The following OSBPL10 variants were observed in gnomAD, a reference collection of about 807,000 sequenced individuals.
OSBPL10 encodes the protein oxysterol-binding protein-related protein 10.
OSBPL10 carries 49 observed loss-of-function variants against 81.7 expected under a neutral mutation model. That is an observed-to-expected ratio of 0.60 (90% CI 0.48 to 0.76). The LOEUF (loss-of-function observed/expected upper bound fraction) is 0.76, where lower values mean the gene tolerates loss of function less well. OSBPL10 is among the 30% of genes least tolerant of loss of function. The pLI, the probability that OSBPL10 is intolerant of heterozygous loss-of-function variation, is 0.00. For missense variants in OSBPL10, 923 were observed against 987.8 expected (o/e 0.93, Z 0.88); for synonymous variants, 419 against 383.6 (o/e 1.09, Z -1.08).
chr3:31,843,933 T>A (rs1250863444), intron 3 of OSBPL10, among the ~76,000 whole-genome samples: 3 of 152,200 alleles, frequency 2.0e-5, no homozygotes, highest in Non-Finnish European at 2.9e-5. Context: ...TGAGTCCAGA[T>A]GCTCTGAGCA....
At chr3:31,882,777 C>G (rs1695621377) in intron 1 of OSBPL10, among the ~76,000 whole-genome samples, 1 of 152,174 alleles carries the variant, frequency 6.6e-6, no homozygotes, top group Admixed American at 6.5e-5. Flanking sequence ...TGAGCAACAC[C>G]CACATCAGAC....
chr3:32,038,645 C>T (rs748584867), intron 2 of OSBPL10, among the ~76,000 whole-genome samples: 3 of 152,074 alleles, frequency 2.0e-5, no homozygotes, highest in Admixed American at 1.3e-4. Flanking sequence ...TTATAGATAC[C>T]GAAATCAAAC....
At chr3:31,794,934 G>T in intron 4 of OSBPL10, 1 of 357,182 alleles carries the variant, frequency 2.8e-6, no homozygotes, top group Non-Finnish European at 5.5e-6. Context: ...CCAGAGAAGT[G>T]TCATTTGTAA....
intron 3 of OSBPL10, among the ~76,000 whole-genome samples, chr3:31,850,902 A>C (rs925321364): frequency 4.6e-5 from 7 of 152,224 alleles, no homozygotes; most frequent in Admixed American, 3.3e-4. Flanking sequence ...ACTATTGAGA[A>C]GAATACTCGA....
chr3:31,694,829 A>C (rs1405597522), intron 7 of OSBPL10, among the ~76,000 whole-genome samples: 1 of 152,212 alleles, frequency 6.6e-6, no homozygotes, highest in African/African-American at 2.4e-5. Flanking sequence ...ATCTCGGCTC[A>C]CTGCAACCTC....
At chr3:31,965,828 A>AATATATAATATATATTATCTATT (rs1559535383) in intron 1 of OSBPL10, among the ~76,000 whole-genome samples, 4,990 of 82,254 alleles carry the variant, frequency 0.061, 747 homozygotes, top group South Asian at 0.1. Context: ...TATTATATAA[A>AATATATAATATATATTATCTATT]TATATAATAT....
In OSBPL10 at chr3:31,981,212, C is replaced by T; in HGVS notation, c.-33G>A. The T allele has an allele frequency of 7.3e-7, 1 of 1,365,656 alleles. No homozygotes were observed. The highest frequency in any genetic ancestry group is 9.4e-7 in the Non-Finnish European group (1 of 1,067,020). The allele number at this position is 1,365,656 out of a possible 1,614,324, so 84.6% of individuals were successfully genotyped here. ...GGGCGCCCGGGACGCGGGTGCCCGC[C>T]GCGGTGGCGGCCCCGGCACGGCGGC... On this transcript the variant is annotated 5_prime_UTR_variant, in exon 1 of 12. Coordinates refer to ENST00000396556, the MANE Select transcript of OSBPL10 (RefSeq NM_017784.5). This position sits in a 1 kb window ranked among gnomAD's most constrained non-coding sequence, Gnocchi z 4.5.
At chr3:31,765,210 T>A (rs1698158973) in intron 4 of OSBPL10, among the ~76,000 whole-genome samples, 1 of 150,728 alleles carries the variant, frequency 6.6e-6, no homozygotes, top group Non-Finnish European at 1.5e-5. Flanking sequence ...TTGTTTTTGT[T>A]TTTTTTTTGT....
chr3:31,967,489 A>G (rs1381111011), intron 1 of OSBPL10, among the ~76,000 whole-genome samples: 2 of 85,742 alleles, frequency 2.3e-5, no homozygotes. Context: ...CAAAAAAATG[A>G]AAAAAAAAAG....
intron 6 of OSBPL10, chr3:31,709,144 T>C (rs971917701): frequency 6.8e-6 from 4 of 586,232 alleles, no homozygotes; most frequent in African/African-American, 6.0e-5. Context: ...AGTACACGCA[T>C]GTCCACACAG....
chr3:31,923,690 G>C (rs1696985234), intron 1 of OSBPL10, among the ~76,000 whole-genome samples: 1 of 152,182 alleles, frequency 6.6e-6, no homozygotes, highest in African/African-American at 2.4e-5. Flanking sequence ...AGGAGGCTGA[G>C]GCAGAAGGAT....
intron 4 of OSBPL10, among the ~76,000 whole-genome samples, chr3:31,792,165 G>C (rs944009623): frequency 6.6e-6 from 1 of 151,690 alleles, no homozygotes; most frequent in African/African-American, 2.4e-5. Context: ...CGCAATTGAG[G>C]CTGCGGTGAG....
At chr3:31,910,183 G>T (rs1477177692) in intron 1 of OSBPL10, among the ~76,000 whole-genome samples, 1 of 151,650 alleles carries the variant, frequency 6.6e-6, no homozygotes, top group African/African-American at 2.4e-5. Flanking sequence ...GTTTCACCAT[G>T]TTGGCCAGGA....
In OSBPL10 at chr3:31,980,948, C is replaced by A. The variant is rs774412848; in HGVS notation, c.232G>T (p.Glu78Ter). Residue 78 changes from glutamate (E) to a stop codon, truncating the protein, a stop_gained, in exon 1 of 12, where the codon GAG (glutamate) becomes TAG (stop). Coordinates refer to ENST00000396556, the MANE Select transcript of OSBPL10 (RefSeq NM_017784.5). LOFTEE classifies it high-confidence loss of function. The part of the protein sequence containing the change: ...GGGRRREPAL[E>*]GVLSKYTNLL... ...TTGGTGTATTTGCTGAGCACGCCCT[C>A]GAGCGCCGGCTCCCTCCTGCGGCCG... The A allele has an allele frequency of 1.3e-6, 2 of 1,577,970 alleles. No homozygotes were observed. The highest frequency in any genetic ancestry group is 1.7e-6 in the Non-Finnish European group (2 of 1,165,910).
chr3:31,730,430 A>C (rs1268587728), intron 6 of OSBPL10, among the ~76,000 whole-genome samples: 11 of 152,150 alleles, frequency 7.2e-5, no homozygotes, highest in Non-Finnish European at 2.9e-5. Context: ...CTTGTCCTAA[A>C]GTAAGGCATA....
At position 31,661,908 on chromosome 3, in the gene OSBPL10, A is replaced by T; in HGVS notation, c.*164T>A. ...TTGAATAAATTCATTCCTCTAGCAG[A>T]GTGTGGGGGTGCACTTTTCATAGTA... is the stretch of plus-strand genomic sequence containing the variant. On this transcript the variant is annotated 3_prime_UTR_variant, in exon 12 of 12. Transcript: ENST00000396556. 1.0e-6 allele frequency: 1 copy of T among 999,190 alleles called. No individual in the cohort carries two copies. Among genetic ancestry groups the T allele is most frequent in the Non-Finnish European group, 1.4e-6 (1 of 691,274 alleles). 61.9% of individuals were successfully genotyped at this position (999,190 alleles called of 1,614,324 possible).
At chr3:31,845,772 T>C (rs1048736405) in intron 3 of OSBPL10, among the ~76,000 whole-genome samples, 1 of 152,150 alleles carries the variant, frequency 6.6e-6, no homozygotes, top group African/African-American at 2.4e-5. Context: ...CAGGGCAACA[T>C]GGGCAAACCG....
intron 2 of OSBPL10, among the ~76,000 whole-genome samples, chr3:32,004,108 G>A (rs1382698680): frequency 3.3e-5 from 5 of 152,158 alleles, no homozygotes; most frequent in African/African-American, 1.2e-4. Flanking sequence ...GAACTTACTA[G>A]TTTTAACTTA....
chr3:31,798,509 T>A (rs1214388414), intron 4 of OSBPL10, among the ~76,000 whole-genome samples: 3 of 152,118 alleles, frequency 2.0e-5, no homozygotes, highest in Non-Finnish European at 2.9e-5. Context: ...TACATTTTTT[T>A]AATATTAATC....
Sources: gnomAD v4.1 joint callset for allele counts (sites outside exome capture counted in the v4.1 genomes callset) on GRCh38, gnomAD v4.1.1 for gene constraint, Gnocchi (gnomAD v3.1) non-coding constraint, MANE v1.5 for transcripts, NCBI Gene and HGNC (gene_info 2026-07-23, HGNC 2026-07-21) for gene names.